The following IFT140 variants were observed in gnomAD, a reference collection of about 807,000 sequenced individuals.
The protein encoded by IFT140 is intraflagellar transport protein 140 homolog.
In IFT140, 133 loss-of-function variants were observed where a neutral mutation model predicts 164.6. That is an observed-to-expected ratio of 0.81 (90% CI 0.70 to 0.93). The LOEUF (loss-of-function observed/expected upper bound fraction) is 0.93, where lower values mean the gene tolerates loss of function less well. Among genes scored for constraint, IFT140 ranks in the 40% least tolerant of loss-of-function variants. The pLI is 0.00. For missense variants in IFT140, 2,045 were observed against 1,972.3 expected, an observed-to-expected ratio of 1.04 and a Z score of -0.70; for synonymous variants, 860 against 817.3, an observed-to-expected ratio of 1.05 and a Z score of -0.89.
chr16:1,519,984 A>G lies in IFT140; in HGVS notation c.3937T>C (p.Cys1313Arg). ...CTCTTGGCCTTGGCCTTGGCCAGGC[A>G]CTTGTAGGCCTCGGTCAGCGCCCCG... ...AHGALTEAYK[C>R]LAKAKAKSPL... is the part of the protein sequence containing the mutation. Residue 1313 changes from cysteine to arginine, a missense_variant, in exon 29 of 31, where the codon TGC (cysteine) becomes CGC (arginine). By Grantham distance (180) the Cys-to-Arg change is radical. Coordinates refer to ENST00000426508, the MANE Select transcript of IFT140 (RefSeq NM_014714.4). 1 of 1,607,300 alleles carries G rather than the reference A, an allele frequency of 6.2e-7. No individual in the cohort carries two copies. The highest frequency in any genetic ancestry group is 1.1e-5 in the South Asian group (1 of 90,274).
At chr16:1,526,470 G>A (rs1248025174) in intron 20 of IFT140, 149 bp downstream of exon 20, 2 of 889,074 alleles carry the variant, frequency 2.2e-6, no homozygotes, top group South Asian at 1.8e-5. Context: ...CACCGCCGCT[G>A]TCTGCCCAGC....
At chr16:1,522,800 T>C (rs558659283) in intron 26 of IFT140, among the ~76,000 whole-genome samples, 103 of 152,352 alleles carry the variant, frequency 6.8e-4, no homozygotes, top group African/African-American at 2.3e-3. Flanking sequence ...ATTGCGCCAC[T>C]GCACTCCAGC....
intron 19 of IFT140, chr16:1,534,531 C>A: frequency 6.2e-7 from 1 of 1,605,612 alleles, no homozygotes; most frequent in Non-Finnish European, 8.5e-7. Context: ...AGCCGGCTTC[C>A]AGGAGTCCCG....
At chr16:1,529,158 T>C (rs920957395) in intron 19 of IFT140, among the ~76,000 whole-genome samples, 5 of 152,132 alleles carry the variant, frequency 3.3e-5, no homozygotes, top group Admixed American at 2.0e-4. Flanking sequence ...CTCGGGTGAA[T>C]TCCACGGACG....
At chr16:1,528,000 G>C (rs1165089284) in intron 19 of IFT140, among the ~76,000 whole-genome samples, 1 of 152,228 alleles carries the variant, frequency 6.6e-6, no homozygotes, top group Non-Finnish European at 1.5e-5. Flanking sequence ...AGCCACTCTA[G>C]GGACATGACG....
intron 2 of IFT140, chr16:1,610,068 A>C (rs902600001): frequency 2.6e-5 from 4 of 152,886 alleles, no homozygotes; most frequent in Non-Finnish European, 5.9e-5. Context: ...ACGGGGTCAC[A>C]GGGCTTTGAG....
At chr16:1,580,557 G>A (rs1394084961) in intron 13 of IFT140, 2 of 485,894 alleles carry the variant, frequency 4.1e-6, no homozygotes, top group Middle Eastern at 4.9e-4. Context: ...GGCCTCCGCA[G>A]TCATGCTTCC....
At chr16:1,522,154 C>T (rs1244144539) in intron 26 of IFT140, among the ~76,000 whole-genome samples, 6 of 152,030 alleles carry the variant, frequency 3.9e-5, no homozygotes, top group African/African-American at 1.2e-4. Flanking sequence ...ATCAGGAGAT[C>T]GAGACCATCC....
rs1159567784 is a variant in IFT140, at chr16:1,525,250, C to T, written c.2845G>A (p.Val949Met). The T allele has an allele frequency of 3.1e-6, 5 of 1,612,484 alleles. No homozygotes were observed. The highest frequency in any genetic ancestry group is 2.2e-5 in the East Asian group (1 of 44,868). ...ACTCACTTATCCTTCATTTTATTCA[C>T]GTAGAGCTCCAGGGACGGCAGGTCC... ...SEDLPSLELY[V>M]NKMKDKTLWR... Residue 949 changes from valine (V) to methionine (M), a missense_variant, in exon 22 of 31, where the codon GTG (valine) becomes ATG (methionine). Coordinates refer to ENST00000426508, the MANE Select transcript of IFT140 (RefSeq NM_014714.4).
intron 1 of IFT140, among the ~76,000 whole-genome samples, chr16:1,611,118 C>T (rs969330556): frequency 5.3e-5 from 8 of 152,204 alleles, no homozygotes; most frequent in Non-Finnish European, 1.2e-4. Context: ...AGTCGATGCG[C>T]TCGGCAGTGT....
chr16:1,551,866 G>C lies in IFT140; in HGVS notation c.2399+6069C>G, dbSNP rs997211118. Among the ~76,000 whole-genome samples the C allele has an allele frequency of 6.6e-6, 1 of 152,132 alleles. No homozygotes were observed. The highest frequency in any genetic ancestry group is 2.4e-5 in the African/African-American group (1 of 41,442). On this transcript the variant is annotated intron_variant, in intron 19 of 30. Transcript: ENST00000426508. This position sits in a 1 kb window ranked among gnomAD's most constrained non-coding sequence, Gnocchi z 4.0. ...GAGTTTTCTTCCCGAGGTTTTCCTA[G>C]AAAGCCACTGTAAATCCGAGCTGTG...
At chr16:1,520,458 A>G in intron 27 of IFT140, 115 bp from the exon 28 acceptor site, 1 of 1,345,072 alleles carries the variant, frequency 7.4e-7, no homozygotes, top group East Asian at 2.4e-5. Flanking sequence ...CGGTAGAGAG[A>G]GATCTTAGTG....
At chr16:1,512,396 C>T (rs1417260216) in intron 30 of IFT140, among the ~76,000 whole-genome samples, 1 of 152,014 alleles carries the variant, frequency 6.6e-6, no homozygotes, top group Admixed American at 6.6e-5. Context: ...TGCACGTGAC[C>T]CCGGGTGGCG....
intron 19 of IFT140, among the ~76,000 whole-genome samples, chr16:1,539,725 C>A (rs941518302): frequency 6.6e-6 from 1 of 152,260 alleles, no homozygotes; most frequent in Non-Finnish European, 1.5e-5. Flanking sequence ...GAGCGAGGGG[C>A]AGCTGCTGCC....
intron 14 of IFT140, among the ~76,000 whole-genome samples, chr16:1,570,345 A>G (rs2033952385): frequency 6.6e-6 from 1 of 152,286 alleles, no homozygotes; most frequent in East Asian, 1.9e-4. Context: ...CCCTACCTAC[A>G]TGAAGCCAGG....
In IFT140 at chr16:1,602,587, T is replaced by C; in HGVS notation, c.152A>G (p.Glu51Gly). 1.2e-6 allele frequency: 2 copies of C among 1,609,254 alleles called. No individual in the cohort carries two copies. The highest frequency in any genetic ancestry group is 1.3e-5 in the African/African-American group (1 of 74,962). Reference sequence around the variant, plus strand: ...CTCGACGTGTGTATCTGGCACGCACTCCCCCTGCATTGGATGAGAGGCAAA... The same window carrying C: ...CTCGACGTGTGTATCTGGCACGCACCCCCCCTGCATTGGATGAGAGGCAAA... ...GSVDIYLEQG[E>G]CVPDTHVERP... is the part of the protein sequence containing the mutation. Residue 51 changes from glutamate to glycine, a missense_variant, in exon 4 of 31, where the codon GAG becomes GGG. Physicochemically the swap from Glu to Gly is moderately conservative, Grantham distance 98. Coordinates refer to ENST00000426508, the MANE Select transcript of IFT140 (RefSeq NM_014714.4).
chr16:1,512,721 C>T lies in IFT140; in HGVS notation c.4183-1571G>A, dbSNP rs565411275. Among the ~76,000 whole-genome samples, 17 of 152,326 alleles carry T rather than the reference C, an allele frequency of 1.1e-4. No homozygotes were observed. In the South Asian group the frequency reaches 2.5e-3, roughly 22 times the overall value. Reference sequence around the variant, plus strand: ...ACGAGGATCCCTTGAACCCGGGAGGCTGAGGCTGCAGGGAGCTGTGATTGT... The same window carrying T: ...ACGAGGATCCCTTGAACCCGGGAGGTTGAGGCTGCAGGGAGCTGTGATTGT... On this transcript the variant is annotated intron_variant, in intron 30 of 30. Coordinates refer to ENST00000426508, the MANE Select transcript of IFT140 (RefSeq NM_014714.4).
At chr16:1,554,976 G>A in intron 19 of IFT140, 2 of 1,613,806 alleles carry the variant, frequency 1.2e-6, no homozygotes, top group Non-Finnish European at 1.7e-6. Flanking sequence ...CTCCCTGACA[G>A]CGCGCTTTCG....
chr16:1,600,406 C>T (rs908812591), intron 4 of IFT140, among the ~76,000 whole-genome samples: 1 of 145,562 alleles, frequency 6.9e-6, no homozygotes, highest in Admixed American at 6.9e-5. Flanking sequence ...GTCCCATGAC[C>T]CTGCCAAATC....
Sources: allele counts gnomAD v4.1 joint callset (sites outside exome capture counted in the v4.1 genomes callset), GRCh38; gene constraint gnomAD v4.1.1; non-coding constraint Gnocchi (gnomAD v3.1); transcripts MANE v1.5; gene names NCBI Gene and HGNC (gene_info 2026-07-23, HGNC 2026-07-21).